RNF213: variants seen among roughly 807,000 people sequenced by gnomAD.
RNF213 encodes the protein ring finger protein 213, also known as E3 ubiquitin-protein ligase RNF213.
A neutral mutation model predicts 514.4 loss-of-function variants in RNF213; 341 were observed. The observed-to-expected ratio is 0.66, with a 90% CI of 0.61 to 0.73. The LOEUF (loss-of-function observed/expected upper bound fraction) is 0.73, where lower values mean the gene tolerates loss of function less well. RNF213 is among the 30% of genes least tolerant of loss of function. RNF213 has a pLI of 0.00. For missense variants in RNF213, 5,767 were observed against 6,615.6 expected (o/e 0.87, Z 4.45); for synonymous variants, 2,655 against 2,658.2 (o/e 1.00, Z 0.04).
At chr17:80,384,788 C>T (rs548594056) in intron 59 of RNF213, 15 of 520,694 alleles carry the variant, frequency 2.9e-5, no homozygotes, top group South Asian at 1.2e-4. Flanking sequence ...CTTTGATGGA[C>T]GCGGCTGATG....
intron 2 of RNF213, among the ~76,000 whole-genome samples, chr17:80,269,110 G>A (rs975341458): frequency 1.3e-5 from 2 of 152,174 alleles, no homozygotes; most frequent in Admixed American, 1.3e-4. Flanking sequence ...AAGACTCAGC[G>A]AGCCAGCTTA....
intron 36 of RNF213, among the ~76,000 whole-genome samples, chr17:80,355,601 G>A (rs1269095898): frequency 2.1e-4 from 15 of 72,576 alleles, no homozygotes; most frequent in African/African-American, 6.7e-4. Flanking sequence ...GGCTTACAGG[G>A]GAAGAAGCGG....
intron 45 of RNF213, 29 bp downstream of exon 45, chr17:80,369,700 C>G (rs2079438776): frequency 6.2e-7 from 1 of 1,614,002 alleles, no homozygotes; most frequent in Non-Finnish European, 8.5e-7. Flanking sequence ...GTAAACCTAG[C>G]CCCTCATTTC....
chr17:80,371,701 T>C lies in RNF213; in HGVS notation c.12426-173T>C. ...GTCTAAAATGTGAGTTTTATATTCC[T>C]CCAGTATTATGCTAAAAGGTTTTCC... On this transcript the variant is annotated intron_variant, in intron 46 of 67. Transcript: ENST00000582970. The C allele has an allele frequency of 9.0e-6, 5 of 558,138 alleles. 1 individual carries two copies. In the South Asian group the frequency reaches 1.1e-4, roughly 12 times the overall value. 34.6% of individuals were successfully genotyped at this position (558,138 alleles called of 1,614,324 possible). A position where few individuals can be genotyped will look rare whatever the true frequency, so the allele number is the denominator to read the frequency against.
intron 26 of RNF213, chr17:80,341,962 A>G (rs1431392724): frequency 1.3e-5 from 2 of 152,106 alleles, no homozygotes; most frequent in Non-Finnish European, 2.9e-5. Flanking sequence ...ACACGCCACC[A>G]CACCTGACTA....
In RNF213 at chr17:80,353,068, C is replaced by T. The variant is rs373021348; in HGVS notation, c.10423+9C>T. ...CGGAGACTTGCCTGAGCGTGAGTCACGAGGCGGAGCCCCTGGGGGAGCAGG... is the reference window on the plus strand; with the variant it reads ...CGGAGACTTGCCTGAGCGTGAGTCATGAGGCGGAGCCCCTGGGGGAGCAGG... On this transcript the variant is annotated intron_variant, in intron 33 of 67. Transcript: ENST00000582970. The surrounding 1 kb of genome is among the most constrained non-coding windows in gnomAD (Gnocchi z 5.0). 327 of 1,610,992 alleles carry T rather than the reference C, an allele frequency of 2.0e-4. No homozygotes were observed. Among genetic ancestry groups the T allele is most frequent in the Admixed American group, 5.3e-4 (32 of 60,028 alleles).
chr17:80,283,492 C>T (rs775627824), intron 3 of RNF213, among the ~76,000 whole-genome samples: 17 of 152,354 alleles, frequency 1.1e-4, no homozygotes, highest in African/African-American at 2.9e-4. Flanking sequence ...TCCACAGCCC[C>T]GTGTTGTGGG....
chr17:80,286,479 G>C (rs549798816), intron 3 of RNF213, among the ~76,000 whole-genome samples: 1 of 152,130 alleles, frequency 6.6e-6, no homozygotes, highest in Admixed American at 6.5e-5. Context: ...CTGCGGCCTC[G>C]TCATGCCCTG....
At chr17:80,379,884 G>A in intron 55 of RNF213, 170 bp downstream of exon 55, 1 of 671,978 alleles carries the variant, frequency 1.5e-6, no homozygotes, top group Non-Finnish European at 2.7e-6. Context: ...ACAGCAGGGA[G>A]GCATCTGATC....
Position 80,363,161 on chromosome 17 carries a change from C to G in RNF213, c.11415C>G (p.Pro3805=). ...AACTGAAAGCGGCGTCAGAAGCGCC[C>G]GAGGAAGAGGTTTCCTTACCGTGGG... ...TRKLKAASEA[P]EEEVSLPWVH... is the part of the protein sequence containing the mutation. Residue 3805 remains proline (P), a synonymous_variant, in exon 40 of 68, where the codon CCC becomes CCG. Coordinates refer to ENST00000582970, the MANE Select transcript of RNF213 (RefSeq NM_001256071.3). 6.2e-7 allele frequency: 1 copy of G among 1,614,218 alleles called. No homozygotes were observed. The highest frequency in any genetic ancestry group is 8.5e-7 in the Non-Finnish European group (1 of 1,180,038).
chr17:80,386,228 A>G, intron 61 of RNF213, 22 bp from the exon 62 acceptor site: 1 of 1,602,142 alleles, frequency 6.2e-7, no homozygotes, highest in Non-Finnish European at 8.5e-7. Context: ...TCTCTGCTTA[A>G]GCATAACCCT....
intron 22 of RNF213, among the ~76,000 whole-genome samples, chr17:80,335,177 C>T (rs1452953140): frequency 6.6e-6 from 1 of 152,152 alleles, no homozygotes; most frequent in Non-Finnish European, 1.5e-5. Flanking sequence ...CCCATCTCAG[C>T]CTCCCAAAGT....
rs368742645 is a variant in RNF213, at chr17:80,365,567, C to T, written c.11871+1014C>T. Among the ~76,000 whole-genome samples, 23 of 151,978 alleles carry T rather than the reference C, an allele frequency of 1.5e-4. No homozygotes were observed. In the East Asian group the frequency reaches 1.7e-3, roughly 12 times the overall value. On this transcript the variant is annotated intron_variant, in intron 42 of 67. Transcript: ENST00000582970. ...AAGAGCCCAATCCCGGACACGCACA[C>T]GCCACACCAGCTCGTGTCTCGTGGT...
At position 80,385,610 on chromosome 17, in the gene RNF213, T is replaced by C. The variant is rs1259516142; in HGVS notation, c.14528T>C (p.Leu4843Pro). ...ACATGGAACAAACTGAGGAGATCGC[T>C]TGAGACGAACGGTTAGTATCCTGTC... The part of the protein sequence containing the change: ...LSTWNKLRRS[L>P]ETNGEINLPK... Residue 4843 changes from leucine to proline, a missense_variant, in exon 61 of 68, where the codon CTT (leucine) becomes CCT (proline). Coordinates refer to ENST00000582970, the MANE Select transcript of RNF213 (RefSeq NM_001256071.3). 1 of 1,614,104 alleles carries C rather than the reference T, an allele frequency of 6.2e-7. No individual in the cohort carries two copies. Among genetic ancestry groups the C allele is most frequent in the African/African-American group, 1.3e-5 (1 of 75,058 alleles).
rs576339856 is a variant in RNF213, at chr17:80,297,072, G to A, written c.2013-1249G>A. ...AGGCAATGTACAGAGTTAGTGCCGGGGCTTAAAGTATGAGGAATCATTAAT... is the reference window on the plus strand; with the variant it reads ...AGGCAATGTACAGAGTTAGTGCCGGAGCTTAAAGTATGAGGAATCATTAAT... On this transcript the variant is annotated intron_variant, in intron 10 of 67. Transcript: ENST00000582970. 7.3e-4 allele frequency among the ~76,000 whole-genome samples: 111 copies of A among 152,252 alleles called. 2 individuals are homozygous for A. The highest frequency in any genetic ancestry group is 2.3e-3 in the African/African-American group (96 of 41,536).
At chr17:80,292,793 C>T (rs547154763) in intron 8 of RNF213, among the ~76,000 whole-genome samples, 22 of 152,198 alleles carry the variant, frequency 1.4e-4, no homozygotes, top group Admixed American at 1.3e-3. Flanking sequence ...GGCTTCCCCT[C>T]GCTCCCCCTC....
chr17:80,298,201 A>T (rs1568030414), intron 10 of RNF213, 120 bp from the exon 11 acceptor site: 1 of 1,014,260 alleles, frequency 9.9e-7, no homozygotes, highest in Non-Finnish European at 1.5e-6. Context: ...CTGCTCAGCC[A>T]CGCGCGGTGC....
intron 42 of RNF213, among the ~76,000 whole-genome samples, chr17:80,366,149 G>A (rs962206672): frequency 6.6e-6 from 1 of 152,240 alleles, no homozygotes; most frequent in African/African-American, 2.4e-5. Flanking sequence ...CCTGCCTTCC[G>A]CCGTGAGGCT....
In RNF213 at chr17:80,363,630, A is replaced by C; in HGVS notation, c.11590A>C (p.Met3864Leu). ...CEMTLDAFAA[M>L]ACTEMLTRNT... ...CCAGACCCTGGACGCATTTGCCGCA[A>C]TGGCCTGCACGGAGATGCTGACAAG... is the stretch of plus-strand genomic sequence containing the variant. Residue 3864 changes from methionine to leucine, a missense_variant, in exon 41 of 68, where the codon ATG becomes CTG. Transcript: ENST00000582970. 1 of 1,613,938 alleles carries C rather than the reference A, an allele frequency of 6.2e-7. No individual in the cohort carries two copies. The highest frequency in any genetic ancestry group is 8.5e-7 in the Non-Finnish European group (1 of 1,180,034).
Sources: gnomAD v4.1 joint callset for allele counts (sites outside exome capture counted in the v4.1 genomes callset) on GRCh38, gnomAD v4.1.1 for gene constraint, Gnocchi (gnomAD v3.1) non-coding constraint, MANE v1.5 for transcripts, NCBI Gene and HGNC (gene_info 2026-07-23, HGNC 2026-07-21) for gene names.